Variants in SGIP1 observed in about 807,000 individuals in gnomAD.
SGIP1 encodes SH3GL interacting endocytic adaptor 1.
Under a neutral mutation model 107.5 loss-of-function variants are expected in SGIP1, and 38 were observed. The observed-to-expected ratio is 0.35, with a 90% CI of 0.27 to 0.46. The LOEUF (loss-of-function observed/expected upper bound fraction) is 0.46. Among genes scored for constraint, SGIP1 ranks in the 20% least tolerant of loss-of-function variants. The pLI, the probability that SGIP1 is intolerant of heterozygous loss-of-function variation, is 1.00. For synonymous variants in SGIP1, 365 were observed against 366.1 expected, an observed-to-expected ratio of 1.00 and a Z score of 0.03; for missense variants, 929 against 1,019.5, an observed-to-expected ratio of 0.91 and a Z score of 1.21.
At chr1:66,656,749 T>C (rs1448493009) in intron 7 of SGIP1, among the ~76,000 whole-genome samples, 2 of 152,246 alleles carry the variant, frequency 1.3e-5, no homozygotes, top group Non-Finnish European at 2.9e-5. Flanking sequence ...ATTTACTAGG[T>C]GCTCAATAAA....
intron 1 of SGIP1, among the ~76,000 whole-genome samples, chr1:66,551,146 A>G (rs1440187464): frequency 6.6e-6 from 1 of 152,182 alleles, no homozygotes; most frequent in African/African-American, 2.4e-5. Context: ...TGAAACTATT[A>G]TTAAGGATGC....
chr1:66,551,827 G>T (rs965569858), intron 1 of SGIP1, among the ~76,000 whole-genome samples: 1 of 152,140 alleles, frequency 6.6e-6, no homozygotes, highest in African/African-American at 2.4e-5. Flanking sequence ...TGCCTCCAAC[G>T]TGTGCAGAAG....
intron 1 of SGIP1, among the ~76,000 whole-genome samples, chr1:66,559,081 C>T (rs903183617): frequency 3.3e-5 from 5 of 152,214 alleles, no homozygotes; most frequent in Admixed American, 2.6e-4. Flanking sequence ...TACTGCTGGG[C>T]CCCTTTCTCC....
chr1:66,736,793 A>G (rs549107481), intron 21 of SGIP1, among the ~76,000 whole-genome samples: 43 of 152,058 alleles, frequency 2.8e-4, no homozygotes, highest in South Asian at 2.5e-3. Flanking sequence ...TGTACTTTGT[A>G]TAAGTTTCTC....
At chr1:66,543,696 G>T (rs1288077538) in intron 1 of SGIP1, among the ~76,000 whole-genome samples, 2 of 152,122 alleles carry the variant, frequency 1.3e-5, no homozygotes, top group Non-Finnish European at 2.9e-5. Context: ...TACAGTGTGG[G>T]GGGAAGGGCC....
rs571996012 is a variant in SGIP1 at position 66,645,902 on chromosome 1, A to G, written c.459+2183A>G. On this transcript the variant is annotated intron_variant, in intron 7 of 24. Transcript: ENST00000371037. ...GTTGCTCAGGCTGGAGTGCAATGGT[A>G]TGATGTCGGCTGACTGCAACCTCCA... 2.6e-5 allele frequency among the ~76,000 whole-genome samples: 4 copies of G among 152,216 alleles called. No homozygotes were observed. The South Asian group carries it at 8.3e-4, about 32-fold the overall frequency.
chr1:66,733,688 G>C, intron 20 of SGIP1, 60 bp from the exon 21 acceptor site: 2 of 1,563,312 alleles, frequency 1.3e-6, no homozygotes, highest in Non-Finnish European at 1.7e-6. Flanking sequence ...AAGATGCTTC[G>C]TGTAGGGTTT....
intron 7 of SGIP1, among the ~76,000 whole-genome samples, chr1:66,645,389 G>A (rs2149515094): frequency 6.6e-6 from 1 of 152,292 alleles, no homozygotes; most frequent in Non-Finnish European, 1.5e-5. Flanking sequence ...AAATGTGGTG[G>A]TTTACTCTAA....
intron 18 of SGIP1, among the ~76,000 whole-genome samples, chr1:66,702,102 C>T (rs1286431792): frequency 2.0e-5 from 3 of 152,186 alleles, no homozygotes; most frequent in Non-Finnish European, 2.9e-5. Flanking sequence ...GAGCTAGCTA[C>T]TCCACATGCA....
chr1:66,699,786 G>A (rs192011960), intron 18 of SGIP1, among the ~76,000 whole-genome samples: 2 of 152,052 alleles, frequency 1.3e-5, no homozygotes, highest in African/African-American at 2.4e-5. Context: ...AAGTTAAAAA[G>A]ATAAATAAGT....
rs2093409440 is a variant in SGIP1 at position 66,719,382 on chromosome 1, T to C, written c.1719T>C (p.Tyr573=). 1 of 1,613,410 alleles carries C rather than the reference T, an allele frequency of 6.2e-7. No individual in the cohort carries two copies. Among genetic ancestry groups the C allele is most frequent in the African/African-American group, 1.3e-5 (1 of 75,022 alleles). The change falls in exon 19 of 25, where the codon TAT becomes TAC. Residue 573 remains tyrosine (Y), a synonymous_variant. Transcript: ENST00000371037. ...CATTTACAGAAACAGTCAATGCCTA[T>C]TTCAAAGGAGCAGACCCAAGCAAGT... is the stretch of plus-strand genomic sequence containing the variant. ...AAAFTETVNA[Y]FKGADPSKCI...
intron 1 of SGIP1, among the ~76,000 whole-genome samples, chr1:66,547,569 G>A (rs12046904): frequency 0.17 from 25,193 of 152,050 alleles, 2,383 homozygotes; most frequent in East Asian, 0.37. Flanking sequence ...AACAGAGCTC[G>A]TCGCACTCTT....
At chr1:66,668,363 G>T (rs2083049754) in intron 9 of SGIP1, among the ~76,000 whole-genome samples, 1 of 151,936 alleles carries the variant, frequency 6.6e-6, no homozygotes, top group Non-Finnish European at 1.5e-5. Context: ...GCTAATTTTT[G>T]TATTTTTAGT....
chr1:66,650,389 A>G (rs984392904), intron 7 of SGIP1, among the ~76,000 whole-genome samples: 1 of 152,178 alleles, frequency 6.6e-6, no homozygotes. Flanking sequence ...CACAAAATAT[A>G]TGTTGAGCAC....
At chr1:66,631,098 A>C in intron 2 of SGIP1, among the ~76,000 whole-genome samples, 1 of 133,538 alleles carries the variant, frequency 7.5e-6, no homozygotes, top group African/African-American at 2.6e-5. Context: ...AAAGAAAGAA[A>C]GAAAAAAAGA....
chr1:66,613,855 GTA>G (rs1414417474), intron 1 of SGIP1, among the ~76,000 whole-genome samples: 2 of 152,210 alleles, frequency 1.3e-5, no homozygotes, highest in Non-Finnish European at 2.9e-5. Context: ...ATTAGATGTT[GTA>G]TCTCTAGTTA....
intron 5 of SGIP1, among the ~76,000 whole-genome samples, chr1:66,640,898 A>G (rs1273465781): frequency 6.6e-6 from 1 of 152,238 alleles, no homozygotes; most frequent in South Asian, 2.1e-4. Flanking sequence ...GATCTTGCTT[A>G]TACGCAGAAT....
intron 1 of SGIP1, among the ~76,000 whole-genome samples, chr1:66,555,543 G>A (rs1275929854): frequency 6.6e-6 from 1 of 152,070 alleles, no homozygotes; most frequent in African/African-American, 2.4e-5. Context: ...GTAAATATTG[G>A]TTGAATTAAC....
intron 20 of SGIP1, among the ~76,000 whole-genome samples, chr1:66,729,699 G>C (rs1201006012): frequency 6.6e-6 from 1 of 152,212 alleles, no homozygotes; most frequent in Non-Finnish European, 1.5e-5. Flanking sequence ...GCAACAGTTT[G>C]TTCATCGTCT....
Sources: allele counts gnomAD v4.1 joint callset (sites outside exome capture counted in the v4.1 genomes callset), GRCh38; gene constraint gnomAD v4.1.1; transcripts MANE v1.5; gene names NCBI Gene and HGNC (gene_info 2026-07-23, HGNC 2026-07-21).